Variants in SPATA22 observed in about 807,000 individuals in gnomAD.
SPATA22 encodes spermatogenesis-associated protein 22.
A neutral mutation model predicts 47.8 loss-of-function variants in SPATA22; 29 were observed. The ratio of observed to expected loss-of-function variants is 0.61; its 90% confidence interval spans 0.45 to 0.83. The LOEUF (loss-of-function observed/expected upper bound fraction) is 0.83, where lower values mean the gene tolerates loss of function less well. Ranked by LOEUF, SPATA22 falls within the 40% of genes least tolerant of loss-of-function variation. SPATA22 has a pLI of 0.00. For missense variants in SPATA22, 410 were observed against 421.7 expected (o/e 0.97, Z 0.24); for synonymous variants, 133 against 140.9 (o/e 0.94, Z 0.40).
At chr17:3,452,449 G>A (rs921165350) in intron 5 of SPATA22, among the ~76,000 whole-genome samples, 1 of 151,990 alleles carries the variant, frequency 6.6e-6, no homozygotes, top group South Asian at 2.1e-4. Context: ...AAAATTAGCT[G>A]GGCATGGTGG....
At chr17:3,451,471 A>T (rs2072858292) in intron 5 of SPATA22, among the ~76,000 whole-genome samples, 1 of 152,220 alleles carries the variant, frequency 6.6e-6, no homozygotes, top group African/African-American at 2.4e-5. Flanking sequence ...CAAAAGACAT[A>T]TATGGAATTT....
chr17:3,443,909 C>A (rs1472704311), intron 7 of SPATA22, among the ~76,000 whole-genome samples: 1 of 151,820 alleles, frequency 6.6e-6, no homozygotes, highest in Non-Finnish European at 1.5e-5. Context: ...TCTACTCTTA[C>A]CAAAATTTTA....
intron 2 of SPATA22, chr17:3,468,968 T>G (rs535991223): frequency 1.9e-5 from 8 of 424,586 alleles, no homozygotes; most frequent in African/African-American, 1.7e-4. Context: ...GGAAATATTT[T>G]TAACAAGTAA....
Position 3,462,748 on chromosome 17 carries a change from C to T in SPATA22, c.192G>A (p.Val64=). The T allele has an allele frequency of 6.2e-7, 1 of 1,613,074 alleles. No individual in the cohort carries two copies. The highest frequency in any genetic ancestry group is 8.5e-7 in the Non-Finnish European group (1 of 1,179,042). ...PLPTDWAWEA[V]NPELAPVMKT... ...TCATTACAGGAGCCAACTCTGGATT[C>T]ACAGCTTCCCAGGCCCAATCTCAAA... Residue 64 remains valine (V), a synonymous_variant, in exon 4 of 9, where the codon GTG becomes GTA. Coordinates refer to ENST00000572969, the MANE Select transcript of SPATA22 (RefSeq NM_001170698.2).
At chr17:3,450,863 A>T (rs966356139) in intron 5 of SPATA22, among the ~76,000 whole-genome samples, 4 of 152,254 alleles carry the variant, frequency 2.6e-5, no homozygotes, top group Admixed American at 6.5e-5. Context: ...CCAAAATGTG[A>T]CATAGAAACA....
upstream of SPATA22, chr17:3,471,958 AC>A: frequency 1.5e-6 from 1 of 687,566 alleles, no homozygotes; most frequent in Non-Finnish European, 1.8e-6. Context: ...CACACTGTGG[AC>A]CCAGGGATGG....
In SPATA22 at chr17:3,440,054, A is replaced by G; in HGVS notation, c.*93T>C. The G allele has an allele frequency of 1.3e-6, 1 of 749,230 alleles. No homozygotes were observed. Among genetic ancestry groups the G allele is most frequent in the East Asian group, 3.0e-5 (1 of 33,770 alleles). The allele number at this position is 749,230 out of a possible 1,614,324, so 46.4% of individuals were successfully genotyped here. ...TTCAAATACTTTAATTCAACAAGTGAAATACAATAGTAGCTATAAAACTAT... is the reference window on the plus strand; with the variant it reads ...TTCAAATACTTTAATTCAACAAGTGGAATACAATAGTAGCTATAAAACTAT... On this transcript the variant is annotated 3_prime_UTR_variant, in exon 9 of 9. Coordinates refer to ENST00000572969, the MANE Select transcript of SPATA22 (RefSeq NM_001170698.2).
chr17:3,453,291 T>A (rs2072905979), intron 5 of SPATA22, among the ~76,000 whole-genome samples: 1 of 152,206 alleles, frequency 6.6e-6, no homozygotes, highest in Admixed American at 6.5e-5. Context: ...AAAGTGAAAG[T>A]TGAAATATTT....
intron 1 of SPATA22, among the ~76,000 whole-genome samples, chr17:3,484,378 T>C (rs1030548955): frequency 6.6e-6 from 1 of 152,148 alleles, no homozygotes; most frequent in African/African-American, 2.4e-5. Context: ...GGTAACCAGG[T>C]AATCACTGCA....
At chr17:3,479,330 T>A (rs533311772) in intron 1 of SPATA22, among the ~76,000 whole-genome samples, 8 of 152,300 alleles carry the variant, frequency 5.3e-5, no homozygotes, top group Admixed American at 5.2e-4. Flanking sequence ...TGCGGAAGAA[T>A]GATATAGAAC....
intron 3 of SPATA22, among the ~76,000 whole-genome samples, chr17:3,465,302 GC>G (rs1274481967): frequency 6.6e-6 from 1 of 151,812 alleles, no homozygotes; most frequent in Non-Finnish European, 1.5e-5. Context: ...TTGAGAACGG[GC>G]CATGATGACA....
intron 1 of SPATA22, among the ~76,000 whole-genome samples, chr17:3,478,548 G>A (rs1329423818): frequency 6.6e-6 from 1 of 152,152 alleles, no homozygotes; most frequent in Non-Finnish European, 1.5e-5. Context: ...ATTTGTTGAA[G>A]GATAACTTTT....
chr17:3,457,804 C>A (rs942748601), intron 5 of SPATA22, among the ~76,000 whole-genome samples: 1 of 152,152 alleles, frequency 6.6e-6, no homozygotes, highest in Non-Finnish European at 1.5e-5. Context: ...CACCTTACAC[C>A]ATATACAAAA....
At chr17:3,486,675 A>ATT (rs1003291932) in intron 1 of SPATA22, among the ~76,000 whole-genome samples, 1 of 152,202 alleles carries the variant, frequency 6.6e-6, no homozygotes, top group African/African-American at 2.4e-5. Context: ...AACTTAAAAT[A>ATT]TTTTTTGTTA....
chr17:3,489,329 T>C lies in SPATA22; in HGVS notation c.-73-19931A>G, dbSNP rs369805590. On this transcript the variant is annotated intron_variant, in intron 1 of 8. Transcript: ENST00000541913. ...TTAAACATGCTCTTGATTTTATACA[T>C]CATTTCAATGAAGGTAAGTAATAAT... 243 of 1,605,522 alleles carry C rather than the reference T, an allele frequency of 1.5e-4. No individual in the cohort carries two copies. Among genetic ancestry groups the C allele is most frequent in the Non-Finnish European group, 1.9e-4 (225 of 1,172,578 alleles).
chr17:3,445,481 C>G (rs1258445867), intron 7 of SPATA22, among the ~76,000 whole-genome samples: 2 of 152,136 alleles, frequency 1.3e-5, no homozygotes, highest in Non-Finnish European at 2.9e-5. Flanking sequence ...GCCCAGCCAA[C>G]ACCTTGATTT....
chr17:3,467,028 CT>C (rs920096834), intron 3 of SPATA22, among the ~76,000 whole-genome samples: 7 of 152,184 alleles, frequency 4.6e-5, no homozygotes, highest in Non-Finnish European at 7.4e-5. Context: ...TAAAATCTAT[CT>C]TTTTTTTCCC....
At chr17:3,492,175 C>T (rs927709211) in intron 1 of SPATA22, among the ~76,000 whole-genome samples, 4 of 152,156 alleles carry the variant, frequency 2.6e-5, no homozygotes, top group Middle Eastern at 6.8e-3. Flanking sequence ...TTGCGCCTGG[C>T]GAGACAGAAA....
At chr17:3,464,397 G>A (rs1170026655) in intron 3 of SPATA22, among the ~76,000 whole-genome samples, 24 of 136,450 alleles carry the variant, frequency 1.8e-4, no homozygotes, top group Non-Finnish European at 3.5e-4. Flanking sequence ...CTGCCCGGCC[G>A]CCACCCCGTC....
Sources: gnomAD v4.1 joint callset for allele counts (sites outside exome capture counted in the v4.1 genomes callset) on GRCh38, gnomAD v4.1.1 for gene constraint, MANE v1.5 for transcripts, NCBI Gene and HGNC (gene_info 2026-07-23, HGNC 2026-07-21) for gene names.